PRKCB: variants seen among roughly 807,000 people sequenced by gnomAD.
PRKCB encodes the protein protein kinase C beta.
In PRKCB, 13 loss-of-function variants were observed where a neutral mutation model predicts 81.5. The ratio of observed to expected loss-of-function variants is 0.16; its 90% CI spans 0.10 to 0.25. PRKCB has a LOEUF of 0.25. Among genes scored for constraint, PRKCB ranks in the 10% least tolerant of loss-of-function variants. The pLI, the probability that PRKCB is intolerant of heterozygous loss-of-function variation, is 1.00. For missense variants in PRKCB, 509 were observed against 875.7 expected (o/e 0.58, Z 5.29); for synonymous variants, 335 against 321.4 (o/e 1.04, Z -0.45).
chr16:24,047,358 A>C (rs1386392659), intron 5 of PRKCB, among the ~76,000 whole-genome samples: 1 of 151,684 alleles, frequency 6.6e-6, no homozygotes, highest in Non-Finnish European at 1.5e-5. Flanking sequence ...TAAATAAATA[A>C]AATAAAATAA....
intron 2 of PRKCB, among the ~76,000 whole-genome samples, chr16:23,858,744 G>A (rs58290924): frequency 6.6e-6 from 1 of 152,288 alleles, no homozygotes; most frequent in African/African-American, 2.4e-5. Flanking sequence ...CACTTGGAAG[G>A]AAGAGGGTTA....
At chr16:24,094,077 C>T (rs961967414) in intron 6 of PRKCB, 86 bp from the exon 7 acceptor site, 40 of 1,423,752 alleles carry the variant, frequency 2.8e-5, no homozygotes, top group Non-Finnish European at 3.5e-5. Flanking sequence ...AAACTTTCTA[C>T]CTCCAGGTCT....
Position 24,045,032 on chromosome 16 carries a change from G to A in PRKCB, c.529+9485G>A, listed in dbSNP as rs61351155. ...GGATTGGGAGTGAAGAGGCTGTGGC[G>A]GTGAGGGGGATTGTGTTGTGTCTCT... On this transcript the variant is annotated intron_variant, in intron 5 of 16. Transcript: ENST00000643927. Among the ~76,000 whole-genome samples, 966 of 152,228 alleles carry A rather than the reference G, an allele frequency of 6.3e-3. 5 individuals carry two copies. The highest frequency in any genetic ancestry group is 0.021 in the African/African-American group (885 of 41,526).
Position 24,124,402 on chromosome 16 carries a change from A to G in PRKCB, c.1065+421A>G, listed in dbSNP as rs559321880. ...TTGCAGAGATAAGCAGGGCCCAAGG[A>G]TGCAAACCTTATAAGCTACAATGAG... On this transcript the variant is annotated intron_variant, in intron 9 of 16. Transcript: ENST00000643927. 1.1e-4 allele frequency among the ~76,000 whole-genome samples: 17 copies of G among 152,288 alleles called. 1 individual carries two copies. In the South Asian group the frequency reaches 3.5e-3, roughly 32 times the overall value.
chr16:23,984,522 C>T (rs1964776663), intron 2 of PRKCB, among the ~76,000 whole-genome samples: 1 of 151,908 alleles, frequency 6.6e-6, no homozygotes, highest in Non-Finnish European at 1.5e-5. Flanking sequence ...TAGGCTAAAA[C>T]CAGGTAGAGT....
intron 2 of PRKCB, among the ~76,000 whole-genome samples, chr16:23,882,672 C>T (rs1211184921): frequency 6.6e-6 from 1 of 151,926 alleles, no homozygotes; most frequent in Non-Finnish European, 1.5e-5. Context: ...ATATATTAAT[C>T]GGTCAATGGA....
chr16:24,125,098 CCCAA>C (rs1966840666), intron 9 of PRKCB, among the ~76,000 whole-genome samples: 1 of 67,178 alleles, frequency 1.5e-5, no homozygotes. Context: ...TAATTGCAAT[CCCAA>C]TCTTGTTACC....
At chr16:24,012,460 T>C (rs1965216428) in intron 3 of PRKCB, among the ~76,000 whole-genome samples, 1 of 152,232 alleles carries the variant, frequency 6.6e-6, no homozygotes. Flanking sequence ...TCAACTCCAC[T>C]AACCCTCTCT....
At chr16:24,112,272 TG>T (rs1376673673) in intron 7 of PRKCB, among the ~76,000 whole-genome samples, 1 of 152,160 alleles carries the variant, frequency 6.6e-6, no homozygotes, top group Non-Finnish European at 1.5e-5. Flanking sequence ...AGTCAGGCAG[TG>T]GGGGTTGCAA....
intron 5 of PRKCB, among the ~76,000 whole-genome samples, chr16:24,062,353 C>T (rs905229704): frequency 6.6e-6 from 1 of 152,198 alleles, no homozygotes; most frequent in African/African-American, 2.4e-5. Flanking sequence ...TGCTCACTGG[C>T]ATCTCAAGAG....
intron 10 of PRKCB, among the ~76,000 whole-genome samples, chr16:24,167,068 A>G (rs1967358495): frequency 6.6e-6 from 1 of 151,878 alleles, no homozygotes; most frequent in South Asian, 2.1e-4. Flanking sequence ...TTTAAAAATA[A>G]TTTTTAAAAC....
chr16:24,113,473 C>A (rs1010520523), intron 8 of PRKCB, among the ~76,000 whole-genome samples: 4 of 148,212 alleles, frequency 2.7e-5, no homozygotes, highest in African/African-American at 7.5e-5. Flanking sequence ...CTCCTTCCTT[C>A]TTCCTTTCTT....
Position 23,886,406 on chromosome 16 carries a change from G to GT in PRKCB, c.205+49026dup, listed in dbSNP as rs398029038. On this transcript the variant is annotated intron_variant, in intron 2 of 16. Coordinates refer to ENST00000643927, the MANE Select transcript of PRKCB (RefSeq NM_002738.7). ...AGGGTTGGACTATGGTGTGTTAGGT[G>GT]TTTTTTTTTTTTTTTTTTTTTTTTT... 9.5e-3 allele frequency among the ~76,000 whole-genome samples: 669 copies of GT among 70,208 alleles called. 80 individuals are homozygous for GT. The highest frequency in any genetic ancestry group is 0.02 in the African/African-American group (307 of 15,500). 46.1% of individuals were successfully genotyped at this position (70,208 alleles called of 152,430 possible).
intron 7 of PRKCB, among the ~76,000 whole-genome samples, chr16:24,104,671 G>A (rs1458413737): frequency 6.6e-6 from 1 of 152,200 alleles, no homozygotes; most frequent in African/African-American, 2.4e-5. Flanking sequence ...GGAGGGAGCT[G>A]TGTGGATATC....
At chr16:23,995,188 C>T (rs1488690659) in intron 3 of PRKCB, among the ~76,000 whole-genome samples, 1 of 152,142 alleles carries the variant, frequency 6.6e-6, no homozygotes, top group Admixed American at 6.5e-5. Flanking sequence ...GCCTACTGGG[C>T]CTACTTGGAT....
intron 2 of PRKCB, among the ~76,000 whole-genome samples, chr16:23,949,232 C>T (rs775757344): frequency 7.9e-5 from 12 of 152,128 alleles, no homozygotes; most frequent in Non-Finnish European, 1.5e-4. Flanking sequence ...AAAGAAAGAA[C>T]GAACGAATGG....
intron 5 of PRKCB, among the ~76,000 whole-genome samples, chr16:24,038,055 G>A (rs535172966): frequency 5.9e-5 from 9 of 152,150 alleles, no homozygotes; most frequent in African/African-American, 1.9e-4. Context: ...GGTGGTGCAC[G>A]ACTGTAATCC....
At chr16:24,033,532 C>T (rs945322450) in intron 4 of PRKCB, among the ~76,000 whole-genome samples, 1 of 152,052 alleles carries the variant, frequency 6.6e-6, no homozygotes, top group South Asian at 2.1e-4. Context: ...GAGGCTGAGG[C>T]GGGTGGATCA....
intron 5 of PRKCB, among the ~76,000 whole-genome samples, chr16:24,052,645 G>A (rs7204498): frequency 0.33 from 50,556 of 152,070 alleles, 10,466 homozygotes; most frequent in African/African-American, 0.59. Context: ...TTGCCATGAC[G>A]ATTGTAAACT....
Sources: allele counts gnomAD v4.1 joint callset (sites outside exome capture counted in the v4.1 genomes callset), GRCh38; gene constraint gnomAD v4.1.1; transcripts MANE v1.5; gene names NCBI Gene and HGNC (gene_info 2026-07-23, HGNC 2026-07-21).